ADAMTS9: variants seen among roughly 807,000 people sequenced by gnomAD.
ADAMTS9 encodes ADAM metallopeptidase with thrombospondin type 1 motif 9, also known as A disintegrin and metalloproteinase with thrombospondin motifs 9.
ADAMTS9 carries 107 observed loss-of-function variants against 257.1 expected under a neutral mutation model. That is an observed-to-expected ratio of 0.42 (90% CI 0.36 to 0.49). The LOEUF is 0.49. ADAMTS9 is among the 20% of genes least tolerant of loss of function. The pLI, the probability that ADAMTS9 is intolerant of heterozygous loss-of-function variation, is 0.03. For missense variants in ADAMTS9, 2,353 were observed against 2,469.1 expected (o/e 0.95, Z 1.00); for synonymous variants, 982 against 880.9 (o/e 1.11, Z -2.03).
intron 9 of ADAMTS9, chr3:64,650,059 G>A (rs1383134008): frequency 3.2e-6 from 1 of 316,474 alleles, no homozygotes; most frequent in East Asian, 5.8e-5. Context: ...GTTTATGTTT[G>A]ACTATCTTTC....
intron 26 of ADAMTS9, 107 bp from the exon 27 acceptor site, chr3:64,597,098 G>A: frequency 6.9e-7 from 1 of 1,445,590 alleles, no homozygotes; most frequent in Non-Finnish European, 9.4e-7. Context: ...GCATTCTCAA[G>A]TCATCCACGA....
chr3:64,615,186 G>GC (rs2084738404), intron 21 of ADAMTS9, 135 bp downstream of exon 21: 1 of 1,065,734 alleles, frequency 9.4e-7, no homozygotes, highest in Admixed American at 2.4e-5. Context: ...AACTGGAGTT[G>GC]TTTTCTCAAG....
Position 64,686,107 on chromosome 3 carries a change from T to C in ADAMTS9, c.516+461A>G, listed in dbSNP as rs1701898734. Reference sequence around the variant, plus strand: ...ACGCACCGCCCTCCACAACACACACTGAAGGAACTCCCAGTGCCTTGGGCA... The same window carrying C: ...ACGCACCGCCCTCCACAACACACACCGAAGGAACTCCCAGTGCCTTGGGCA... On this transcript the variant is annotated intron_variant, in intron 2 of 39. Transcript: ENST00000498707. This position sits in a 1 kb window ranked among gnomAD's most constrained non-coding sequence, Gnocchi z 4.6. 6.6e-6 allele frequency among the ~76,000 whole-genome samples: 1 copy of C among 152,184 alleles called. No homozygotes were observed. The highest frequency in any genetic ancestry group is 1.5e-5 in the Non-Finnish European group (1 of 68,028).
rs774366078 is a variant in ADAMTS9, at chr3:64,546,830, G to T, written c.4992C>A (p.Pro1664=). The change falls in exon 32 of 40, where the codon CCC becomes CCA. Residue 1664 remains proline, a synonymous_variant. Coordinates refer to ENST00000498707, the MANE Select transcript of ADAMTS9 (RefSeq NM_182920.2). ...QTTINCPGTQ[P]PSVHPCYLRD... is the part of the protein sequence containing the mutation. ...TCAGGTAACAGGGGTGAACACTGGGGGGCTGCGTGCCTGGGCAGTTGATGG... is the reference window on the plus strand; with the variant it reads ...TCAGGTAACAGGGGTGAACACTGGGTGGCTGCGTGCCTGGGCAGTTGATGG... The T allele has an allele frequency of 6.2e-7, 1 of 1,614,084 alleles. No homozygotes were observed. The highest frequency in any genetic ancestry group is 1.1e-5 in the South Asian group (1 of 91,082).
chr3:64,623,147 A>G (rs1164568239), intron 16 of ADAMTS9, among the ~76,000 whole-genome samples: 1 of 152,150 alleles, frequency 6.6e-6, no homozygotes, highest in African/African-American at 2.4e-5. Context: ...TATGGCCCCA[A>G]CGAGCCTTGT....
At chr3:64,624,717 T>C (rs1213033062) in intron 16 of ADAMTS9, among the ~76,000 whole-genome samples, 1 of 152,254 alleles carries the variant, frequency 6.6e-6, no homozygotes, top group East Asian at 1.9e-4. Flanking sequence ...TATTTATCAA[T>C]TGCCTTATTC....
At chr3:64,526,401 A>G (rs1329244814) in intron 38 of ADAMTS9, among the ~76,000 whole-genome samples, 1 of 152,184 alleles carries the variant, frequency 6.6e-6, no homozygotes, top group Non-Finnish European at 1.5e-5. Flanking sequence ...ATTCTTAAAA[A>G]TTCGTAGGCA....
rs142517751 is a variant in ADAMTS9 at position 64,625,802 on chromosome 3, AC to A, written c.2390-3217del. ...AATCCTTTGGAAGTCACCACTACCT[AC>A]AAGATAGTACAACCTCCTTAGCATA... On this transcript the variant is annotated intron_variant, in intron 16 of 39. Transcript: ENST00000498707. Among the ~76,000 whole-genome samples, 504 of 152,324 alleles carry A rather than the reference AC, an allele frequency of 3.3e-3. 12 individuals carry two copies. In the East Asian group the frequency reaches 0.045, roughly 13 times the overall value.
chr3:64,561,801 G>A (rs35667547), intron 29 of ADAMTS9, 50 bp from the exon 30 acceptor site: 16 of 923,510 alleles, frequency 1.7e-5, no homozygotes, highest in East Asian at 6.6e-5. Context: ...TTATTTTTTG[G>A]GGGGGCGGGG....
Position 64,568,793 on chromosome 3 carries a change from T to C in ADAMTS9, c.4357-258A>G, listed in dbSNP as rs558748707. 307 of 370,278 alleles carry C rather than the reference T, an allele frequency of 8.3e-4. 1 individual carries two copies. Among genetic ancestry groups the C allele is most frequent in the Admixed American group, 2.1e-3 (43 of 20,752 alleles). The allele number at this position is 370,278 out of a possible 1,614,324, so 22.9% of individuals were successfully genotyped here. A position where few individuals can be genotyped will look rare whatever the true frequency, so the allele number is the denominator to read the frequency against. ...CAAGAGTGTGGGTAAATCCTGAGAA[T>C]TGGAGCCAAAAATAAAGCTCATGAA... On this transcript the variant is annotated intron_variant, in intron 28 of 39. Transcript: ENST00000498707.
chr3:64,522,441 C>G (rs919270793), intron 38 of ADAMTS9, 181 bp from the exon 39 acceptor site: 10 of 489,116 alleles, frequency 2.0e-5, no homozygotes, highest in African/African-American at 1.2e-4. Context: ...TGAGCCAAAT[C>G]CAGCCCACCA....
chr3:64,633,932 C>G, intron 12 of ADAMTS9, 53 bp from the exon 13 acceptor site: 1 of 1,458,422 alleles, frequency 6.9e-7, no homozygotes, highest in South Asian at 1.3e-5. Flanking sequence ...ATGTATTCCT[C>G]TGAACATCAC....
chr3:64,559,040 G>T (rs998242862), intron 30 of ADAMTS9, among the ~76,000 whole-genome samples: 8 of 152,164 alleles, frequency 5.3e-5, no homozygotes, highest in African/African-American at 1.4e-4. Context: ...GAGCCTGAAG[G>T]GTTCTGTCTT....
chr3:64,639,154 T>A (rs1053163346), intron 12 of ADAMTS9, among the ~76,000 whole-genome samples: 23 of 152,092 alleles, frequency 1.5e-4, no homozygotes, highest in African/African-American at 5.3e-4. Flanking sequence ...TCTTTTCAAA[T>A]TGACTCCCCC....
At chr3:64,662,547 C>T (rs1332669897) in intron 3 of ADAMTS9, among the ~76,000 whole-genome samples, 1 of 152,098 alleles carries the variant, frequency 6.6e-6, no homozygotes, top group South Asian at 2.1e-4. Context: ...CCCTCCATTT[C>T]TGTCAGTTTT....
intron 29 of ADAMTS9, among the ~76,000 whole-genome samples, chr3:64,564,012 C>T (rs2083477360): frequency 6.6e-6 from 1 of 152,236 alleles, no homozygotes; most frequent in Non-Finnish European, 1.5e-5. Context: ...AGAAAGACCT[C>T]TGTGTGACCC....
chr3:64,618,292 C>T (rs1700015702), intron 19 of ADAMTS9, among the ~76,000 whole-genome samples: 1 of 152,156 alleles, frequency 6.6e-6, no homozygotes, highest in Non-Finnish European at 1.5e-5. Context: ...GCTATTATTA[C>T]CATTGGCCTA....
chr3:64,524,597 A>G (rs1395595538), intron 38 of ADAMTS9, among the ~76,000 whole-genome samples: 1 of 152,262 alleles, frequency 6.6e-6, no homozygotes, highest in Non-Finnish European at 1.5e-5. Flanking sequence ...AGAAAAAGCT[A>G]TACTCAGTTA....
Position 64,686,651 on chromosome 3 carries a change from C to T in ADAMTS9, c.433G>A (p.Ala145Thr). The change falls in exon 2 of 40, where the codon GCG (alanine) becomes ACG (threonine). Residue 145 changes from alanine (A) to threonine (T), a missense_variant. Physicochemically the swap from Ala to Thr is moderately conservative, Grantham distance 58 (BLOSUM62 0). Transcript: ENST00000498707. This position sits in a 1 kb window ranked among gnomAD's most constrained non-coding sequence, Gnocchi z 4.6. ...NQTKFYSEEE[A>T]ELKHCFYKGY... ...TTGTAGAAACAGTGCTTGAGTTCCG[C>T]TTCCTCTTCGGAATAAAACTTGGTC... is the stretch of plus-strand genomic sequence containing the variant. The T allele has an allele frequency of 6.2e-7, 1 of 1,614,208 alleles. No homozygotes were observed. The highest frequency in any genetic ancestry group is 8.5e-7 in the Non-Finnish European group (1 of 1,180,030).
Sources: allele counts gnomAD v4.1 joint callset (sites outside exome capture counted in the v4.1 genomes callset), GRCh38; gene constraint gnomAD v4.1.1; non-coding constraint Gnocchi (gnomAD v3.1); transcripts MANE v1.5; gene names NCBI Gene and HGNC (gene_info 2026-07-23, HGNC 2026-07-21).